Variants in ZMAT4 observed in about 807,000 individuals in gnomAD.
ZMAT4 encodes zinc finger matrin-type 4, also known as zinc finger matrin-type protein 4.
A neutral mutation model predicts 28.7 loss-of-function variants in ZMAT4; 17 were observed. That is an observed-to-expected ratio of 0.59 (90% CI 0.41 to 0.89). The LOEUF is 0.89. Among genes scored for constraint, ZMAT4 ranks in the 40% least tolerant of loss-of-function variants. The pLI is 0.00. For synonymous variants in ZMAT4, 117 were observed against 109.2 expected (o/e 1.07, Z -0.44); for missense variants, 240 against 283.8 (o/e 0.85, Z 1.11).
At chr8:40,746,273 CTTTCTT>C (rs1380529890) in intron 3 of ZMAT4, among the ~76,000 whole-genome samples, 1 of 87,106 alleles carries the variant, frequency 1.1e-5, no homozygotes, top group African/African-American at 4.3e-5. Context: ...CCCTTCCTTC[CTTTCTT>C]TCTTTCTTTT....
intron 5 of ZMAT4, among the ~76,000 whole-genome samples, chr8:40,643,780 G>T (rs915077615): frequency 6.2e-5 from 4 of 64,998 alleles, no homozygotes; most frequent in African/African-American, 1.8e-4. Context: ...CTGTGTGTTT[G>T]TGTGTGTGCA....
intron 5 of ZMAT4, among the ~76,000 whole-genome samples, chr8:40,630,630 C>T (rs2722423): frequency 0.085 from 12,887 of 152,168 alleles, 703 homozygotes; most frequent in Non-Finnish European, 0.12. Context: ...TGTACACAAA[C>T]GAAAAGATAC....
intron 3 of ZMAT4, among the ~76,000 whole-genome samples, chr8:40,723,542 C>CAAAAAAAAAAAAAAAAAAA (rs58513087): frequency 1.5e-5 from 1 of 66,852 alleles, no homozygotes; most frequent in African/African-American, 5.9e-5. Context: ...GATTCCATCT[C>CAAAAAAAAAAAAAAAAAAA]AAAAAAAAAA....
chr8:40,895,247 T>C (rs1039152255), intron 1 of ZMAT4, among the ~76,000 whole-genome samples: 3 of 152,244 alleles, frequency 2.0e-5, no homozygotes, highest in African/African-American at 7.2e-5. Context: ...AAAGCCATCA[T>C]GTTTGATGAA....
intron 6 of ZMAT4, among the ~76,000 whole-genome samples, chr8:40,572,519 G>T (rs902686916): frequency 6.6e-6 from 1 of 151,920 alleles, no homozygotes; most frequent in Non-Finnish European, 1.5e-5. Flanking sequence ...TTTATTTCTA[G>T]GTAACATCAT....
intron 5 of ZMAT4, among the ~76,000 whole-genome samples, chr8:40,666,768 T>C (rs1424517361): frequency 6.6e-6 from 1 of 152,176 alleles, no homozygotes; most frequent in East Asian, 1.9e-4. Context: ...CGACACAAGT[T>C]TGAACCGCAT....
chr8:40,607,797 C>T (rs913683091), intron 5 of ZMAT4, among the ~76,000 whole-genome samples: 4 of 152,104 alleles, frequency 2.6e-5, no homozygotes, highest in Admixed American at 6.5e-5. Context: ...ATTGTTATTT[C>T]TCTCCTAGAT....
chr8:40,894,786 A>C (rs1818815014), intron 1 of ZMAT4, among the ~76,000 whole-genome samples: 1 of 152,042 alleles, frequency 6.6e-6, no homozygotes, highest in Non-Finnish European at 1.5e-5. Context: ...GAAAAAAAAA[A>C]CAAGACATTG....
intron 3 of ZMAT4, among the ~76,000 whole-genome samples, chr8:40,716,254 GC>G (rs11327429): frequency 0.6 from 90,909 of 152,010 alleles, 27,730 homozygotes; most frequent in African/African-American, 0.71. Flanking sequence ...ACATGCAAAT[GC>G]CCAGGGCCCC....
At chr8:40,701,973 C>G (rs1193899380) in intron 3 of ZMAT4, among the ~76,000 whole-genome samples, 4 of 152,146 alleles carry the variant, frequency 2.6e-5, no homozygotes, top group Non-Finnish European at 5.9e-5. Context: ...TTTAAGAAGG[C>G]TGAGCCCCCA....
chr8:40,797,967 G>T (rs1230638256), intron 2 of ZMAT4, among the ~76,000 whole-genome samples: 1 of 152,224 alleles, frequency 6.6e-6, no homozygotes, highest in African/African-American at 2.4e-5. Flanking sequence ...GGTAAGGCAA[G>T]GTCCTAGGGA....
At position 40,838,836 on chromosome 8, in the gene ZMAT4, C is replaced by A. The variant is rs866285931; in HGVS notation, c.-4-13156G>T. ...AGGTGAAGAGGCCAAAATAAAGGGG[C>A]GGGACATGAAGGCAATTGGAACTGA... is the stretch of plus-strand genomic sequence containing the variant. On this transcript the variant is annotated intron_variant, in intron 1 of 6. Coordinates refer to ENST00000297737, the MANE Select transcript of ZMAT4 (RefSeq NM_024645.3). Among the ~76,000 whole-genome samples the A allele has an allele frequency of 2.6e-5, 4 of 152,022 alleles. No individual in the cohort carries two copies. The South Asian group carries it at 8.3e-4, about 32-fold the overall frequency.
chr8:40,747,463 C>T (rs1036980563), intron 3 of ZMAT4, among the ~76,000 whole-genome samples: 16 of 152,140 alleles, frequency 1.1e-4, no homozygotes, highest in Non-Finnish European at 1.9e-4. Flanking sequence ...GGTTATGATT[C>T]GGTTTTACTT....
chr8:40,695,746 G>A (rs1426410147), intron 4 of ZMAT4, among the ~76,000 whole-genome samples: 2 of 133,146 alleles, frequency 1.5e-5, no homozygotes, highest in African/African-American at 2.8e-5. Flanking sequence ...AATTCACAAA[G>A]AACTGGTTTT....
At chr8:40,829,242 C>T (rs1816187189) in intron 1 of ZMAT4, among the ~76,000 whole-genome samples, 1 of 152,230 alleles carries the variant, frequency 6.6e-6, no homozygotes, top group Non-Finnish European at 1.5e-5. Flanking sequence ...TCTGTACTCC[C>T]AGGCCCAGCA....
At chr8:40,854,425 A>G (rs1479283532) in intron 1 of ZMAT4, among the ~76,000 whole-genome samples, 2 of 152,246 alleles carry the variant, frequency 1.3e-5, no homozygotes, top group African/African-American at 4.8e-5. Context: ...TTATGCAAAT[A>G]GCAGATTGGT....
intron 5 of ZMAT4, among the ~76,000 whole-genome samples, chr8:40,594,863 T>G (rs1239316311): frequency 6.6e-6 from 1 of 152,226 alleles, no homozygotes; most frequent in South Asian, 2.1e-4. Context: ...CATCCTATAT[T>G]TTCTTGGCAT....
At chr8:40,749,454 A>C (rs1266939116) in intron 3 of ZMAT4, among the ~76,000 whole-genome samples, 5 of 152,250 alleles carry the variant, frequency 3.3e-5, no homozygotes, top group Non-Finnish European at 7.3e-5. Flanking sequence ...GGGAGTTTTC[A>C]AAGCCTATGA....
At chr8:40,675,353 G>T (rs1808866072) in intron 4 of ZMAT4, among the ~76,000 whole-genome samples, 1 of 151,788 alleles carries the variant, frequency 6.6e-6, no homozygotes, top group Non-Finnish European at 1.5e-5. Context: ...CTCTAACATT[G>T]GCATTTAGAG....
Sources: allele counts gnomAD v4.1 joint callset (sites outside exome capture counted in the v4.1 genomes callset), GRCh38; gene constraint gnomAD v4.1.1; transcripts MANE v1.5; gene names NCBI Gene and HGNC (gene_info 2026-07-23, HGNC 2026-07-21).